Variants in FGGY observed in about 807,000 individuals in gnomAD.
FGGY encodes FGGY carbohydrate kinase domain containing.
A neutral mutation model predicts 71.3 loss-of-function variants in FGGY; 72 were observed. The ratio of observed to expected loss-of-function variants is 1.01; its 90% CI spans 0.84 to 1.23. The LOEUF is 1.23. Ranked by LOEUF, FGGY falls within the 50% of genes most tolerant of loss-of-function variation. The probability of loss-of-function intolerance (pLI) is 0.00; values close to 1 mark genes in which losing one functional copy is unlikely to be tolerated. For missense variants in FGGY, 668 were observed against 682.3 expected (o/e 0.98, Z 0.23); for synonymous variants, 251 against 250.3 (o/e 1.00, Z -0.02).
intron 14 of FGGY, among the ~76,000 whole-genome samples, chr1:59,674,631 G>GTAATTGTGATTA: frequency 6.6e-6 from 1 of 152,178 alleles, no homozygotes; most frequent in Non-Finnish European, 1.5e-5. Context: ...CAATTTGGTG[G>GTAATTGTGATTA]CTGTGATTAA....
chr1:59,335,076 G>A (rs149722803), intron 2 of FGGY, among the ~76,000 whole-genome samples: 190 of 152,040 alleles, frequency 1.2e-3, no homozygotes, highest in African/African-American at 4.5e-3. Context: ...GTATTTAACA[G>A]CTTGATGTAT....
intron 1 of FGGY, among the ~76,000 whole-genome samples, chr1:59,307,540 C>T (rs2043634399): frequency 6.6e-6 from 1 of 152,172 alleles, no homozygotes. Context: ...CCTAACTGCT[C>T]AGAACCTTGG....
In FGGY at chr1:59,667,392, C is replaced by A; in HGVS notation, c.1406C>A (p.Ala469Glu). The A allele has an allele frequency of 6.2e-7, 1 of 1,613,996 alleles. No homozygotes were observed. Among genetic ancestry groups the A allele is most frequent in the Non-Finnish European group, 8.5e-7 (1 of 1,179,958 alleles). ...SKNPLFVQMH[A>E]DITGMPVVLS... ...AATCCCCTTTTTGTGCAAATGCATG[C>A]GGACATTACTGGTAAGTCTGGGAAA... Residue 469 changes from alanine to glutamate, a missense_variant, in exon 13 of 16, where the codon GCG (alanine) becomes GAG (glutamate). Physicochemically the swap from Ala to Glu is moderately radical, Grantham distance 107. Transcript: ENST00000303721.
At chr1:59,582,952 G>A (rs2096221073) in intron 8 of FGGY, among the ~76,000 whole-genome samples, 1 of 148,420 alleles carries the variant, frequency 6.7e-6, no homozygotes, top group Non-Finnish European at 1.5e-5. Context: ...CCATGCTTGA[G>A]GATCCAAAGG....
intron 2 of FGGY, among the ~76,000 whole-genome samples, chr1:59,322,948 C>T (rs1409741182): frequency 2.6e-5 from 4 of 151,960 alleles, no homozygotes; most frequent in Admixed American, 2.6e-4. Flanking sequence ...CCATTCTGTC[C>T]CTATTGATCA....
chr1:59,325,375 C>CAACAACAACAACAACAACAAA (rs747772630), intron 2 of FGGY, among the ~76,000 whole-genome samples: 18 of 152,098 alleles, frequency 1.2e-4, no homozygotes, highest in African/African-American at 3.9e-4. Flanking sequence ...GCAACAACAA[C>CAACAACAACAACAACAACAAA]AACAACAACA....
intron 7 of FGGY, among the ~76,000 whole-genome samples, chr1:59,536,413 G>T (rs913931778): frequency 6.6e-6 from 1 of 152,128 alleles, no homozygotes; most frequent in African/African-American, 2.4e-5. Context: ...AGGAGTAAGT[G>T]GTACCATTCC....
At chr1:59,358,423 C>A (rs2054756899) in intron 4 of FGGY, among the ~76,000 whole-genome samples, 1 of 152,088 alleles carries the variant, frequency 6.6e-6, no homozygotes, top group East Asian at 1.9e-4. Flanking sequence ...GCCAAGCTCA[C>A]CCTTTATCTC....
intron 14 of FGGY, among the ~76,000 whole-genome samples, chr1:59,725,614 GT>G (rs535026101): frequency 4.6e-5 from 7 of 150,752 alleles, no homozygotes; most frequent in South Asian, 2.1e-4. Flanking sequence ...TTTTGTGGGG[GT>G]TTTTTTTGTT....
chr1:59,475,005 G>A (rs1475057424), intron 6 of FGGY, among the ~76,000 whole-genome samples: 1 of 152,208 alleles, frequency 6.6e-6, no homozygotes, highest in Non-Finnish European at 1.5e-5. Flanking sequence ...TTCAGAAAAT[G>A]AAAGTTCTTA....
intron 5 of FGGY, among the ~76,000 whole-genome samples, chr1:59,400,812 C>T (rs778688578): frequency 2.6e-5 from 4 of 151,880 alleles, no homozygotes; most frequent in African/African-American, 7.3e-5. Flanking sequence ...TGCTCTGTCA[C>T]CCAGGCTCAA....
At chr1:59,376,527 A>G (rs1029220389) in intron 4 of FGGY, among the ~76,000 whole-genome samples, 5 of 152,218 alleles carry the variant, frequency 3.3e-5, no homozygotes, top group Middle Eastern at 3.2e-3. Context: ...TATAAAATAG[A>G]TATAATAATA....
At chr1:59,731,129 A>G (rs1444010057) in intron 14 of FGGY, among the ~76,000 whole-genome samples, 1 of 152,200 alleles carries the variant, frequency 6.6e-6, no homozygotes, top group Non-Finnish European at 1.5e-5. Flanking sequence ...ACAGTCTTTG[A>G]TGATACCCAT....
intron 9 of FGGY, among the ~76,000 whole-genome samples, chr1:59,617,972 A>G (rs945510741): frequency 1.3e-5 from 2 of 152,120 alleles, no homozygotes; most frequent in African/African-American, 4.8e-5. Context: ...ACATTCTGCT[A>G]TAAATGGGTG....
chr1:59,587,834 AC>A (rs1183237647), intron 8 of FGGY, among the ~76,000 whole-genome samples: 4 of 152,158 alleles, frequency 2.6e-5, no homozygotes, highest in African/African-American at 4.8e-5. Context: ...AGATAAAACC[AC>A]AAAGATGGGG....
At chr1:59,645,580 T>C (rs541891974) in intron 11 of FGGY, among the ~76,000 whole-genome samples, 1 of 152,328 alleles carries the variant, frequency 6.6e-6, no homozygotes, top group East Asian at 1.9e-4. Context: ...AACTCAAATG[T>C]GGTGTACCTT....
At chr1:59,729,607 C>T (rs994899396) in intron 14 of FGGY, among the ~76,000 whole-genome samples, 5 of 152,154 alleles carry the variant, frequency 3.3e-5, no homozygotes, top group East Asian at 1.9e-4. Flanking sequence ...TTGTCTTTGG[C>T]GTCCCTAAGA....
rs1192861032 is a variant in FGGY at position 59,501,811 on chromosome 1, G to C, written c.671-10500G>C. Among the ~76,000 whole-genome samples the C allele has an allele frequency of 2.6e-5, 4 of 152,224 alleles. No homozygotes were observed. The South Asian group carries it at 6.2e-4, about 24-fold the overall frequency. On this transcript the variant is annotated intron_variant, in intron 6 of 15. Transcript: ENST00000303721. ...ACAGCTTTCACAGGTTCTGCAGTTTGCTCTCATGACCCCAAAAGCATATAT... is the reference window on the plus strand; with the variant it reads ...ACAGCTTTCACAGGTTCTGCAGTTTCCTCTCATGACCCCAAAAGCATATAT...
At chr1:59,503,277 AAAGT>A (rs2094283462) in intron 6 of FGGY, among the ~76,000 whole-genome samples, 1 of 152,192 alleles carries the variant, frequency 6.6e-6, no homozygotes, top group African/African-American at 2.4e-5. Context: ...TAGCAACTGA[AAAGT>A]AAGAAGAGCA....
Sources: gnomAD v4.1 joint callset for allele counts (sites outside exome capture counted in the v4.1 genomes callset) on GRCh38, gnomAD v4.1.1 for gene constraint, MANE v1.5 for transcripts, NCBI Gene and HGNC (gene_info 2026-07-23, HGNC 2026-07-21) for gene names.